The following FAM107B variants were observed in gnomAD, a reference collection of about 807,000 sequenced individuals.
FAM107B encodes family with sequence similarity 107 member B, also known as protein FAM107B.
Under a neutral mutation model 31.5 loss-of-function variants are expected in FAM107B, and 21 were observed. The ratio of observed to expected loss-of-function variants is 0.67; its 90% confidence interval spans 0.47 to 0.96. The LOEUF is 0.96. Ranked by LOEUF, FAM107B falls within the 40% of genes least tolerant of loss-of-function variation. The probability of loss-of-function intolerance (pLI) is 0.00; values close to 1 mark genes in which losing one functional copy is unlikely to be tolerated. For synonymous variants in FAM107B, 157 were observed against 141.5 expected (o/e 1.11, Z -0.78); for missense variants, 452 against 377.1 (o/e 1.20, Z -1.64).
At chr10:14,545,370 G>A (rs1301115304) in intron 2 of FAM107B, among the ~76,000 whole-genome samples, 2 of 151,650 alleles carry the variant, frequency 1.3e-5, no homozygotes, top group African/African-American at 4.9e-5. Context: ...CAAAGCTATT[G>A]ATCTGGGGGC....
intron 2 of FAM107B, among the ~76,000 whole-genome samples, chr10:14,557,732 G>A (rs1024832851): frequency 1.3e-5 from 2 of 152,194 alleles, no homozygotes; most frequent in African/African-American, 4.8e-5. Context: ...TTCTGCGAGG[G>A]AGGTATTATT....
chr10:14,628,386 G>A (rs1336882942), intron 2 of FAM107B, among the ~76,000 whole-genome samples: 7 of 151,978 alleles, frequency 4.6e-5, no homozygotes, highest in African/African-American at 1.7e-4. Flanking sequence ...CCAAAGTGTT[G>A]GGATTACAGG....
intron 1 of FAM107B, among the ~76,000 whole-genome samples, chr10:14,682,551 C>G (rs943154055): frequency 2.6e-4 from 40 of 152,104 alleles, no homozygotes; most frequent in Admixed American, 5.2e-4. Context: ...ATAAATAAAA[C>G]TATGCAGCCA....
At chr10:14,573,925 A>AC (rs1443941803) in intron 2 of FAM107B, among the ~76,000 whole-genome samples, 163 of 138,904 alleles carry the variant, frequency 1.2e-3, no homozygotes, top group African/African-American at 3.8e-3. Context: ...ACAAAAAAAA[A>AC]AAACCACCCT....
intron 2 of FAM107B, among the ~76,000 whole-genome samples, chr10:14,662,613 G>A (rs1854275683): frequency 6.6e-6 from 1 of 152,014 alleles, no homozygotes; most frequent in Non-Finnish European, 1.5e-5. Context: ...TTCTTTACCT[G>A]TTTGTTGATG....
At chr10:14,766,138 T>C (rs1833157008) in intron 1 of FAM107B, among the ~76,000 whole-genome samples, 2 of 152,230 alleles carry the variant, frequency 1.3e-5, no homozygotes, top group Admixed American at 1.3e-4. Flanking sequence ...GCTTTTCTGT[T>C]AATAGATATC....
chr10:14,773,388 G>C (rs995510724), intron 1 of FAM107B, among the ~76,000 whole-genome samples: 1 of 152,224 alleles, frequency 6.6e-6, no homozygotes, highest in African/African-American at 2.4e-5. Context: ...GAATACTTTA[G>C]TGATGGATCC....
chr10:14,678,316 G>A (rs1166519106), intron 1 of FAM107B, among the ~76,000 whole-genome samples: 4 of 152,150 alleles, frequency 2.6e-5, no homozygotes, highest in African/African-American at 9.7e-5. Context: ...TCCTCGGTGG[G>A]ATGGTGGGTA....
intron 1 of FAM107B, among the ~76,000 whole-genome samples, chr10:14,763,202 C>T (rs565361302): frequency 4.3e-4 from 66 of 152,140 alleles, no homozygotes; most frequent in Non-Finnish European, 8.7e-4. Flanking sequence ...GCAGAGGTTG[C>T]AGTGAGCTGA....
intron 2 of FAM107B, among the ~76,000 whole-genome samples, chr10:14,655,297 A>G (rs569192527): frequency 1.3e-5 from 2 of 152,338 alleles, no homozygotes; most frequent in East Asian, 3.9e-4. Flanking sequence ...TGAGATTTGG[A>G]GGGGACAAAT....
intron 1 of FAM107B, among the ~76,000 whole-genome samples, chr10:14,674,114 G>C (rs1178239771): frequency 6.6e-6 from 1 of 152,168 alleles, no homozygotes; most frequent in Non-Finnish European, 1.5e-5. Context: ...ATGCATCAAA[G>C]ACTTAAACGT....
intron 1 of FAM107B, among the ~76,000 whole-genome samples, chr10:14,772,679 T>C (rs1375388757): frequency 6.6e-6 from 1 of 152,082 alleles, no homozygotes; most frequent in East Asian, 1.9e-4. Flanking sequence ...TGTTACAATG[T>C]CCTCTCTGCT....
intron 1 of FAM107B, among the ~76,000 whole-genome samples, chr10:14,713,526 A>G (rs756110544): frequency 7.9e-5 from 12 of 152,216 alleles, no homozygotes; most frequent in Non-Finnish European, 1.6e-4. Flanking sequence ...AGGGAGAAAT[A>G]GACACTGGAG....
chr10:14,549,792 C>CA (rs2131054753), intron 2 of FAM107B, among the ~76,000 whole-genome samples: 1 of 152,276 alleles, frequency 6.6e-6, no homozygotes, highest in African/African-American at 2.4e-5. Flanking sequence ...CCACAGGACT[C>CA]AGCTGAAGCC....
chr10:14,538,392 C>T (rs1319020296), intron 2 of FAM107B, among the ~76,000 whole-genome samples: 1 of 152,164 alleles, frequency 6.6e-6, no homozygotes, highest in Non-Finnish European at 1.5e-5. Context: ...TGAGAATGAA[C>T]TGGCAATTCT....
At chr10:14,704,795 G>A (rs200551859) in intron 1 of FAM107B, among the ~76,000 whole-genome samples, 4 of 152,050 alleles carry the variant, frequency 2.6e-5, no homozygotes, top group African/African-American at 4.8e-5. Context: ...AGGCCAAGGC[G>A]GGTAGATTAT....
intron 2 of FAM107B, among the ~76,000 whole-genome samples, chr10:14,621,468 T>C (rs1053670448): frequency 1.3e-5 from 2 of 152,208 alleles, no homozygotes; most frequent in African/African-American, 2.4e-5. Flanking sequence ...AAAACGTATA[T>C]GAAATGGGAC....
Position 14,735,459 on chromosome 10 carries a change from G to A in FAM107B, c.411+38794C>T, listed in dbSNP as rs1053606125. Among the ~76,000 whole-genome samples the A allele has an allele frequency of 2.0e-5, 3 of 152,272 alleles. No individual in the cohort carries two copies. In the South Asian group the frequency reaches 6.2e-4, roughly 32 times the overall value. Reference sequence around the variant, plus strand: ...GTGGGCCTTTGCTGAAAGTCAATTGGTGGCCTCCAAGATGATTCCTCAGGA... The same window carrying A: ...GTGGGCCTTTGCTGAAAGTCAATTGATGGCCTCCAAGATGATTCCTCAGGA... On this transcript the variant is annotated intron_variant, in intron 1 of 4. Coordinates refer to ENST00000181796, the MANE Select transcript of FAM107B (RefSeq NM_031453.4).
intron 1 of FAM107B, among the ~76,000 whole-genome samples, chr10:14,719,600 G>A (rs756465723): frequency 1.3e-5 from 2 of 152,188 alleles, no homozygotes; most frequent in East Asian, 1.9e-4. Context: ...GCTCCCTTGC[G>A]TACGGCCTTC....
Sources: gnomAD v4.1 joint callset for allele counts (sites outside exome capture counted in the v4.1 genomes callset) on GRCh38, gnomAD v4.1.1 for gene constraint, MANE v1.5 for transcripts, NCBI Gene and HGNC (gene_info 2026-07-23, HGNC 2026-07-21) for gene names.